Variants in TEAD1 observed in about 807,000 individuals in gnomAD.
TEAD1 encodes TEA domain transcription factor 1.
Under a neutral mutation model 54.9 loss-of-function variants are expected in TEAD1, and 9 were observed. The ratio of observed to expected loss-of-function variants is 0.16; its 90% CI spans 0.10 to 0.29. The LOEUF (loss-of-function observed/expected upper bound fraction) is 0.29. Among genes scored for constraint, TEAD1 ranks in the 10% least tolerant of loss-of-function variants. The pLI is 1.00. For missense variants in TEAD1, 387 were observed against 535.9 expected (o/e 0.72, Z 2.74); for synonymous variants, 200 against 187.8 (o/e 1.07, Z -0.53).
intron 2 of TEAD1, among the ~76,000 whole-genome samples, chr11:12,757,397 A>G (rs144104578): frequency 1.8e-4 from 28 of 152,294 alleles, no homozygotes; most frequent in Non-Finnish European, 7.4e-5. Context: ...GGTAAAATAT[A>G]TTGTCTCAAA....
chr11:12,941,463 G>A lies in TEAD1; in HGVS notation c.*4241G>A, dbSNP rs943749659. ...CAAGTCTTCTTAAGGTTTCAGTACT[G>A]TGGTGGCTTTAGCAGTTGTTTTTGT... is the stretch of plus-strand genomic sequence containing the variant. On this transcript the variant is annotated 3_prime_UTR_variant, in exon 13 of 13. Coordinates refer to ENST00000527636, the MANE Select transcript of TEAD1 (RefSeq NM_021961.6). 1 of 152,200 alleles carries A rather than the reference G, an allele frequency of 6.6e-6. No individual in the cohort carries two copies. The highest frequency in any genetic ancestry group is 1.5e-5 in the Non-Finnish European group (1 of 68,034). 9.4% of individuals were successfully genotyped at this position (152,200 alleles called of 1,614,324 possible).
intron 3 of TEAD1, among the ~76,000 whole-genome samples, chr11:12,778,885 A>T (rs1307914174): frequency 6.6e-6 from 1 of 152,174 alleles, no homozygotes; most frequent in African/African-American, 2.4e-5. Flanking sequence ...CTGGTGAAAC[A>T]AAACTTAGGA....
intron 3 of TEAD1, among the ~76,000 whole-genome samples, chr11:12,829,147 C>T (rs1946719153): frequency 6.6e-6 from 1 of 152,140 alleles, no homozygotes; most frequent in Non-Finnish European, 1.5e-5. Context: ...GACGGAAGTG[C>T]AGCAGGCAGG....
chr11:12,802,357 T>C (rs1946076909), intron 3 of TEAD1, among the ~76,000 whole-genome samples: 1 of 149,602 alleles, frequency 6.7e-6, no homozygotes, highest in East Asian at 1.9e-4. Context: ...TTATTTCTTT[T>C]TGAGAAAAAT....
rs193020319 is a variant in TEAD1 at position 12,886,366 on chromosome 11, G to T, written c.699+3241G>T. Among the ~76,000 whole-genome samples, 367 of 152,354 alleles carry T rather than the reference G, an allele frequency of 2.4e-3. 3 individuals carry two copies. Among genetic ancestry groups the T allele is most frequent in the Middle Eastern group, 0.014 (4 of 294 alleles). ...CACATGACTTAAAAGGCCCTGGAAT[G>T]AAAGGAAGGCCTGGTGTAACATCCT... On this transcript the variant is annotated intron_variant, in intron 9 of 12. Coordinates refer to ENST00000527636, the MANE Select transcript of TEAD1 (RefSeq NM_021961.6).
At chr11:12,878,254 A>C (rs1947896143) in intron 5 of TEAD1, among the ~76,000 whole-genome samples, 1 of 152,184 alleles carries the variant, frequency 6.6e-6, no homozygotes, top group African/African-American at 2.4e-5. Context: ...AGCCCTTAGC[A>C]GTTGTTCATG....
In TEAD1 at chr11:12,840,325, T is replaced by A. The variant is rs561803607; in HGVS notation, c.203-21925T>A. ...AAGAAGGGTGGAAGGTGGATGAGTC[T>A]GAGAGATGGATGTTTTCACTATGGA... is the stretch of plus-strand genomic sequence containing the variant. On this transcript the variant is annotated intron_variant, in intron 3 of 12. Coordinates refer to ENST00000527636, the MANE Select transcript of TEAD1 (RefSeq NM_021961.6). Among the ~76,000 whole-genome samples, 3 of 149,848 alleles carry A rather than the reference T, an allele frequency of 2.0e-5. No homozygotes were observed. In the South Asian group the frequency reaches 6.4e-4, roughly 32 times the overall value.
At chr11:12,868,908 A>C (rs762498408) in intron 5 of TEAD1, among the ~76,000 whole-genome samples, 2 of 152,246 alleles carry the variant, frequency 1.3e-5, no homozygotes, top group Non-Finnish European at 2.9e-5. Context: ...ATTAAACAGG[A>C]TAGTGCAGAG....
At chr11:12,766,517 T>C (rs1564932592) in intron 3 of TEAD1, among the ~76,000 whole-genome samples, 2 of 152,168 alleles carry the variant, frequency 1.3e-5, no homozygotes, top group Non-Finnish European at 2.9e-5. Context: ...GATAGTAAAG[T>C]AGTTGATGAT....
chr11:12,872,553 C>T (rs1446615811), intron 5 of TEAD1, among the ~76,000 whole-genome samples: 1 of 152,202 alleles, frequency 6.6e-6, no homozygotes, highest in Non-Finnish European at 1.5e-5. Context: ...GTTGGAACCA[C>T]TTGCCAACAG....
At chr11:12,854,211 T>C (rs1302162112) in intron 3 of TEAD1, among the ~76,000 whole-genome samples, 3 of 152,296 alleles carry the variant, frequency 2.0e-5, no homozygotes, top group Admixed American at 1.3e-4. Context: ...CTGTTTTTCA[T>C]GAGCCTGTCC....
At chr11:12,771,039 A>G (rs1026253042) in intron 3 of TEAD1, among the ~76,000 whole-genome samples, 27 of 152,216 alleles carry the variant, frequency 1.8e-4, no homozygotes, top group African/African-American at 6.0e-4. Context: ...GGACTGTTGC[A>G]TGTAACTTCA....
intron 3 of TEAD1, among the ~76,000 whole-genome samples, chr11:12,771,334 A>G (rs1590134022): frequency 6.6e-6 from 1 of 152,196 alleles, no homozygotes. Flanking sequence ...GTGTTTGACA[A>G]AACTAGATCT....
chr11:12,856,744 G>C (rs540473517), intron 3 of TEAD1, among the ~76,000 whole-genome samples: 1 of 152,214 alleles, frequency 6.6e-6, no homozygotes, highest in Non-Finnish European at 1.5e-5. Flanking sequence ...AAGGGAAAGG[G>C]CCAGCAGATG....
intron 3 of TEAD1, among the ~76,000 whole-genome samples, chr11:12,845,927 G>A (rs554937940): frequency 6.6e-6 from 1 of 152,338 alleles, no homozygotes; most frequent in South Asian, 2.1e-4. Flanking sequence ...GTCCTGCGGA[G>A]CGCCTTTCCA....
At chr11:12,830,221 G>T (rs961366652) in intron 3 of TEAD1, among the ~76,000 whole-genome samples, 4 of 152,100 alleles carry the variant, frequency 2.6e-5, no homozygotes, top group Admixed American at 6.5e-5. Flanking sequence ...TGGGGAGTGG[G>T]CAAGACCATG....
At chr11:12,818,908 G>A (rs1564950907) in intron 3 of TEAD1, among the ~76,000 whole-genome samples, 1 of 152,192 alleles carries the variant, frequency 6.6e-6, no homozygotes, top group Non-Finnish European at 1.5e-5. Context: ...TTGCAAGAGA[G>A]CTACAAATAG....
rs1297637007 is a variant in TEAD1, at chr11:12,937,142, C to T, written c.1201C>T (p.Leu401Phe). 4 of 1,613,914 alleles carry T rather than the reference C, an allele frequency of 2.5e-6. No homozygotes were observed. The Admixed American group carries it at 6.7e-5, about 27-fold the overall frequency. The change falls in exon 13 of 13, where the codon CTC becomes TTC. Residue 401 changes from leucine (L) to phenylalanine (F), a missense_variant. By Grantham distance (22) the Leu-to-Phe change is conservative. Around this residue, in one of 5 missense-constraint regions of TEAD1, gnomAD observed 123 missense variants for 199.0 expected, o/e 0.62. Transcript: ENST00000527636. ...AAACAGGGATACACAAGAAACTCTA[C>T]TCTGCATGGCCTGTGTGTTTGAAGT...
intron 3 of TEAD1, among the ~76,000 whole-genome samples, chr11:12,781,963 AAAAAAAAAGAAAGAAAAAAAGAAAAAG>A (rs1447153424): frequency 7.0e-6 from 1 of 142,012 alleles, no homozygotes; most frequent in African/African-American, 3.1e-5. Context: ...AAAAAAAAAA[AAAAAAAAAGAAAGAAAAAAAGAAAAAG>A]AAAAAAAAAA....
Sources: allele counts gnomAD v4.1 joint callset (sites outside exome capture counted in the v4.1 genomes callset), GRCh38; gene constraint gnomAD v4.1.1; regional missense constraint gnomAD v4.1.1; transcripts MANE v1.5; gene names NCBI Gene and HGNC (gene_info 2026-07-23, HGNC 2026-07-21).